Variants in UBQLN1 observed in about 807,000 individuals in gnomAD.
The protein encoded by UBQLN1 is ubiquilin 1, also known as ubiquilin-1.
UBQLN1 carries 13 observed loss-of-function variants against 65.4 expected under a neutral mutation model. The ratio of observed to expected loss-of-function variants is 0.20; its 90% CI spans 0.13 to 0.32. The LOEUF is 0.32. UBQLN1 is among the 10% of genes least tolerant of loss of function. UBQLN1 has a pLI of 1.00. For synonymous variants in UBQLN1, 267 were observed against 247.8 expected (o/e 1.08, Z -0.73); for missense variants, 561 against 724.0 (o/e 0.77, Z 2.58).
chr9:83,707,840 G>T lies in UBQLN1; in HGVS notation c.-161C>A. 9.0e-7 allele frequency: 1 copy of T among 1,111,090 alleles called. No individual in the cohort carries two copies. Among genetic ancestry groups the T allele is most frequent in the Non-Finnish European group, 1.2e-6 (1 of 825,214 alleles). The allele number at this position is 1,111,090 out of a possible 1,614,324, so 68.8% of individuals were successfully genotyped here. On this transcript the variant is annotated 5_prime_UTR_variant, in exon 1 of 11. Transcript: ENST00000376395. ...GCAGGGCCACCGTAGCGGGTGTGGG[G>T]CCCCGGAGCTCGGTGCAGGCTCTGG...
At position 83,660,616 on chromosome 9, in the gene UBQLN1, TG is replaced by T. The variant is rs1182770811; in HGVS notation, c.*1170del. 1.3e-5 allele frequency: 2 copies of T among 152,188 alleles called. No homozygotes were observed. The highest frequency in any genetic ancestry group is 2.9e-5 in the Non-Finnish European group (2 of 68,028). 9.4% of individuals were successfully genotyped at this position (152,188 alleles called of 1,614,324 possible). On this transcript the variant is annotated 3_prime_UTR_variant, in exon 11 of 11. Transcript: ENST00000376395. ...ACAGAAATCCTAACAGAATCTTGGT[TG>T]CCAGTATTATTTAAGCTGGCCCCAT...
chr9:83,680,568 G>A (rs536785373), intron 3 of UBQLN1, among the ~76,000 whole-genome samples: 1 of 152,150 alleles, frequency 6.6e-6, no homozygotes, highest in African/African-American at 2.4e-5. Context: ...AACTCAAAAT[G>A]AAAAGCACAT....
chr9:83,668,418 A>G (rs1234017126), intron 7 of UBQLN1: 1 of 985,314 alleles, frequency 1.0e-6, no homozygotes, highest in African/African-American at 1.7e-5. Context: ...ACAGATTATC[A>G]AGGTTTATTT....
intron 7 of UBQLN1, chr9:83,668,043 A>T (rs1831671259): frequency 1.0e-6 from 1 of 985,322 alleles, no homozygotes; most frequent in Admixed American, 6.1e-5. Context: ...AGTATTAGCC[A>T]AATACACACT....
intron 1 of UBQLN1, among the ~76,000 whole-genome samples, chr9:83,697,733 CTTTTT>C (rs35319221): frequency 1.0e-5 from 1 of 98,352 alleles, no homozygotes; most frequent in Non-Finnish European, 1.9e-5. Context: ...TTTTTGTACC[CTTTTT>C]TTTTTTTTTT....
chr9:83,677,093 C>A (rs1042976487), intron 6 of UBQLN1, among the ~76,000 whole-genome samples: 1 of 152,206 alleles, frequency 6.6e-6, no homozygotes, highest in Admixed American at 6.5e-5. Context: ...CTGGCAGGTG[C>A]TCTGATGCAG....
chr9:83,674,123 G>C (rs540806271), intron 6 of UBQLN1, among the ~76,000 whole-genome samples: 2 of 151,274 alleles, frequency 1.3e-5, no homozygotes, highest in Admixed American at 1.3e-4. Flanking sequence ...CTGTTGTTCA[G>C]TATACTACTA....
chr9:83,695,652 T>C (rs1446384473), intron 1 of UBQLN1, among the ~76,000 whole-genome samples: 1 of 152,140 alleles, frequency 6.6e-6, no homozygotes, highest in East Asian at 1.9e-4. Flanking sequence ...GTTTTAGACA[T>C]CTATATGGCA....
chr9:83,689,987 T>C (rs1832099839), intron 1 of UBQLN1, among the ~76,000 whole-genome samples: 1 of 152,206 alleles, frequency 6.6e-6, no homozygotes, highest in Non-Finnish European at 1.5e-5. Context: ...TAAAGAGCGT[T>C]ACAGAGGATG....
chr9:83,679,548 T>C (rs933034200), intron 4 of UBQLN1, among the ~76,000 whole-genome samples: 1 of 152,224 alleles, frequency 6.6e-6, no homozygotes, highest in Non-Finnish European at 1.5e-5. Flanking sequence ...TTGGACTTTT[T>C]GATTCTTAAG....
chr9:83,662,046 T>C (rs926297947), intron 10 of UBQLN1, 107 bp from the exon 11 acceptor site: 3 of 1,029,416 alleles, frequency 2.9e-6, no homozygotes, highest in South Asian at 1.9e-5. Flanking sequence ...GCTGATCTAC[T>C]GAGCTTTAAA....
At chr9:83,678,879 C>T (rs1055521848) in intron 4 of UBQLN1, among the ~76,000 whole-genome samples, 3 of 152,122 alleles carry the variant, frequency 2.0e-5, no homozygotes, top group East Asian at 3.9e-4. Flanking sequence ...CACCACGCCC[C>T]GCTAATTTTT....
chr9:83,667,714 A>T (rs1361004409), intron 7 of UBQLN1: 2 of 983,772 alleles, frequency 2.0e-6, no homozygotes, highest in Admixed American at 1.2e-4. Context: ...CCTTTCACAG[A>T]TAATCATCTT....
intron 10 of UBQLN1, among the ~76,000 whole-genome samples, chr9:83,662,777 G>C (rs1488323671): frequency 2.6e-5 from 4 of 152,202 alleles, no homozygotes; most frequent in African/African-American, 4.8e-5. Flanking sequence ...ATTATATTTA[G>C]TAAGGCTTGA....
rs76390231 is a variant in UBQLN1 at position 83,685,332 on chromosome 9, T to C, written c.332+672A>G. On this transcript the variant is annotated intron_variant, in intron 2 of 10. Transcript: ENST00000376395. The stretch of plus-strand genomic sequence containing the variant: ...GAGTTTGATACTGTATGAAAAAATA[T>C]GGACACTGACAACTAAGTCTTCGTA... Among the ~76,000 whole-genome samples the C allele has an allele frequency of 3.9e-4, 60 of 152,338 alleles. No individual in the cohort carries two copies. The East Asian group carries it at 0.011, about 29-fold the overall frequency.
Position 83,664,030 on chromosome 9 carries a change from A to T in UBQLN1, c.1462T>A (p.Leu488Met). 2 of 1,613,606 alleles carry T rather than the reference A, an allele frequency of 1.2e-6. No homozygotes were observed. Among genetic ancestry groups the T allele is most frequent in the Non-Finnish European group, 1.7e-6 (2 of 1,179,790 alleles). The stretch of plus-strand genomic sequence containing the variant: ...CCTCCAGTGCTTCCTAATGCCCCCA[A>T]GCCAGGAGTAAACCTACAGAAAGCA... ...PGLIPGFTPGLGALGSTGGSS... is the reference protein window; with the variant it reads ...PGLIPGFTPGMGALGSTGGSS... The change falls in exon 10 of 11, where the codon TTG becomes ATG. Residue 488 changes from leucine to methionine, a missense_variant. Coordinates refer to ENST00000376395, the MANE Select transcript of UBQLN1 (RefSeq NM_013438.5).
chr9:83,681,299 C>T (rs937751463), intron 3 of UBQLN1, among the ~76,000 whole-genome samples: 1 of 152,244 alleles, frequency 6.6e-6, no homozygotes, highest in Non-Finnish European at 1.5e-5. Context: ...TAAATGCATT[C>T]AGTTCTCACT....
intron 1 of UBQLN1, among the ~76,000 whole-genome samples, chr9:83,698,928 A>G (rs955416623): frequency 6.6e-6 from 1 of 151,496 alleles, no homozygotes; most frequent in Admixed American, 6.6e-5. Flanking sequence ...AAAAAAAAAA[A>G]GTAAATTCTG....
At chr9:83,681,959 G>A (rs1248534906) in intron 3 of UBQLN1, among the ~76,000 whole-genome samples, 2 of 152,176 alleles carry the variant, frequency 1.3e-5, no homozygotes, top group Admixed American at 6.5e-5. Context: ...GGTAAAAAGC[G>A]TAGCATGCAG....
Sources: gnomAD v4.1 joint callset for allele counts (sites outside exome capture counted in the v4.1 genomes callset) on GRCh38, gnomAD v4.1.1 for gene constraint, MANE v1.5 for transcripts, NCBI Gene and HGNC (gene_info 2026-07-23, HGNC 2026-07-21) for gene names.